SLC30A7: variants seen among roughly 807,000 people sequenced by gnomAD.
The protein encoded by SLC30A7 is solute carrier family 30 member 7.
SLC30A7 carries 35 observed loss-of-function variants against 46.0 expected under a neutral mutation model. That is an observed-to-expected ratio of 0.76 (90% CI 0.58 to 1.01). The LOEUF (loss-of-function observed/expected upper bound fraction) is 1.01, where lower values mean the gene tolerates loss of function less well. Among genes scored for constraint, SLC30A7 ranks in the 50% least tolerant of loss-of-function variants. The pLI is 0.00. For missense variants in SLC30A7, 464 were observed against 451.1 expected (o/e 1.03, Z -0.26); for synonymous variants, 147 against 157.8 (o/e 0.93, Z 0.51).
intron 10 of SLC30A7, 97 bp downstream of exon 10, chr1:100,966,015 G>C (rs1655838777): frequency 9.1e-7 from 1 of 1,093,002 alleles, no homozygotes; most frequent in Non-Finnish European, 1.3e-6. Context: ...AGGATGGCTT[G>C]AGGCTAGGAT....
Position 100,912,358 on chromosome 1 carries a change from C to T in SLC30A7, c.511+120C>T. On this transcript the variant is annotated intron_variant, in intron 5 of 10. Coordinates refer to ENST00000357650, the MANE Select transcript of SLC30A7 (RefSeq NM_133496.5). ...TGATGTCAACAGACTATGTGAATATCTTCCTGAACTATCCCTTTCACTTCT... is the reference window on the plus strand; with the variant it reads ...TGATGTCAACAGACTATGTGAATATTTTCCTGAACTATCCCTTTCACTTCT... 2 of 1,119,578 alleles carry T rather than the reference C, an allele frequency of 1.8e-6. 1 individual carries two copies. Among genetic ancestry groups the T allele is most frequent in the South Asian group, 3.1e-5 (2 of 65,190 alleles). The allele number at this position is 1,119,578 out of a possible 1,614,324, so 69.4% of individuals were successfully genotyped here.
intron 2 of SLC30A7, among the ~76,000 whole-genome samples, chr1:100,899,970 A>G (rs1651200112): frequency 6.6e-6 from 1 of 152,246 alleles, no homozygotes; most frequent in African/African-American, 2.4e-5. Flanking sequence ...TAAGGAAGAA[A>G]GAGAATATGT....
intron 8 of SLC30A7, among the ~76,000 whole-genome samples, chr1:100,956,672 CAA>C (rs1655243001): frequency 6.6e-6 from 1 of 152,142 alleles, no homozygotes; most frequent in African/African-American, 2.4e-5. Flanking sequence ...AAGTTGTTCA[CAA>C]AAGTTATTCA....
the SLC30A7 span, chr1:100,990,585 G>A: frequency 9.3e-6 from 15 of 1,613,774 alleles, no homozygotes; most frequent in African/African-American, 1.1e-4. Context: ...TCTGGTCGTC[G>A]GCTCCAACCC....
chr1:100,900,944 A>G (rs1188584825), intron 2 of SLC30A7, among the ~76,000 whole-genome samples: 2 of 152,206 alleles, frequency 1.3e-5, no homozygotes, highest in African/African-American at 4.8e-5. Flanking sequence ...TAGAGCATTT[A>G]ATGGACCTCA....
chr1:100,971,883 C>T (rs904318272), intron 10 of SLC30A7, among the ~76,000 whole-genome samples: 8 of 152,100 alleles, frequency 5.3e-5, no homozygotes, highest in South Asian at 2.1e-4. Context: ...TTTTTACTTC[C>T]GATTTGTTAT....
intron 8 of SLC30A7, among the ~76,000 whole-genome samples, chr1:100,960,916 C>T (rs1401998477): frequency 6.6e-6 from 1 of 151,342 alleles, no homozygotes; most frequent in South Asian, 2.1e-4. Flanking sequence ...TTAGAGTCAC[C>T]CTCACCATTC....
intron 8 of SLC30A7, among the ~76,000 whole-genome samples, chr1:100,927,643 T>G (rs574204449): frequency 6.6e-6 from 1 of 152,332 alleles, no homozygotes; most frequent in East Asian, 1.9e-4. Flanking sequence ...TTCTTCAGTC[T>G]TGTTCAGCTA....
At position 100,906,870 on chromosome 1, in the gene SLC30A7, C is replaced by T. The variant is rs1308737197; in HGVS notation, c.201C>T (p.Asp67=). The change falls in exon 3 of 11, where the codon GAC becomes GAT. Residue 67 remains aspartate, a synonymous_variant. Coordinates refer to ENST00000357650, the MANE Select transcript of SLC30A7 (RefSeq NM_133496.5). ...TTTCCAGCTTAGGCTTGATTTCCGA[C>T]TCTTTTCACATGTTTTTCGATAGCA... ...IWSNCLGLIS[D]SFHMFFDSTA... The T allele has an allele frequency of 3.1e-6, 5 of 1,612,856 alleles. No individual in the cohort carries two copies. In the East Asian group the frequency reaches 8.9e-5, roughly 29 times the overall value.
chr1:100,965,628 A>T, intron 9 of SLC30A7, 141 bp from the exon 10 acceptor site: 1 of 684,548 alleles, frequency 1.5e-6, no homozygotes, highest in Non-Finnish European at 2.5e-6. Flanking sequence ...GTATTTATTT[A>T]TTTATTTATT....
At chr1:100,911,611 C>T (rs1410181237) in intron 4 of SLC30A7, among the ~76,000 whole-genome samples, 3 of 152,168 alleles carry the variant, frequency 2.0e-5, no homozygotes, top group South Asian at 4.2e-4. Flanking sequence ...AGTGCAGTGG[C>T]GCGATCTCGG....
At chr1:100,915,193 TTTTCTTTCTTTCTTTCTTTCTTTC>T (rs200989431) in intron 6 of SLC30A7, among the ~76,000 whole-genome samples, 1 of 90,788 alleles carries the variant, frequency 1.1e-5, no homozygotes, top group East Asian at 3.0e-4. Flanking sequence ...CTTTTCTTTC[TTTTCTTTCTTTCTTTCTTTCTTTC>T]TTTCTTTCTT....
chr1:100,953,854 A>G (rs562078384), intron 8 of SLC30A7, among the ~76,000 whole-genome samples: 2 of 152,348 alleles, frequency 1.3e-5, no homozygotes, highest in East Asian at 3.9e-4. Flanking sequence ...TATTAAGATA[A>G]ATTGCACATT....
At chr1:100,924,382 C>T (rs972988704) in intron 8 of SLC30A7, among the ~76,000 whole-genome samples, 6 of 152,038 alleles carry the variant, frequency 3.9e-5, no homozygotes, top group Non-Finnish European at 8.8e-5. Flanking sequence ...TACTCTTATA[C>T]TTCATGTCTT....
At chr1:100,969,882 T>G (rs906476335) in intron 10 of SLC30A7, among the ~76,000 whole-genome samples, 8 of 152,208 alleles carry the variant, frequency 5.3e-5, no homozygotes, top group Non-Finnish European at 1.0e-4. Context: ...TTATGCAGAT[T>G]GAAATTTTCA....
chr1:100,936,595 A>T (rs75827143), intron 8 of SLC30A7, among the ~76,000 whole-genome samples: 2 of 152,222 alleles, frequency 1.3e-5, no homozygotes, highest in South Asian at 4.1e-4. Context: ...TGATAAGCAT[A>T]ATATAAAATT....
rs974798286 is a variant in SLC30A7, at chr1:100,980,808, T to C, written c.*5951T>C. Reference sequence around the variant, plus strand: ...GAACCTGGGTCACTTGAATTTTCTATATTTTGTATGGCCAAATCAGGAACC... The same window carrying C: ...GAACCTGGGTCACTTGAATTTTCTACATTTTGTATGGCCAAATCAGGAACC... On this transcript the variant is annotated 3_prime_UTR_variant, in exon 11 of 11. Coordinates refer to ENST00000357650, the MANE Select transcript of SLC30A7 (RefSeq NM_133496.5). 6.6e-6 allele frequency: 1 copy of C among 152,064 alleles called. No individual in the cohort carries two copies. Among genetic ancestry groups the C allele is most frequent in the Non-Finnish European group, 1.5e-5 (1 of 67,940 alleles). The allele number at this position is 152,064 out of a possible 1,614,324, so 9.4% of individuals were successfully genotyped here. A position where few individuals can be genotyped will look rare whatever the true frequency, so the allele number is the denominator to read the frequency against.
rs564902081 is a variant in SLC30A7, at chr1:100,949,760, G to A, written c.843-12068G>A. Among the ~76,000 whole-genome samples, 9 of 152,328 alleles carry A rather than the reference G, an allele frequency of 5.9e-5. No individual in the cohort carries two copies. The South Asian group carries it at 8.3e-4, about 14-fold the overall frequency. On this transcript the variant is annotated intron_variant, in intron 8 of 10. Transcript: ENST00000357650. ...CAGCCAGGCTGCAGCATTGCAGGTC[G>A]ATCTCAGACTGCTGCACTAGCAGTG... is the stretch of plus-strand genomic sequence containing the variant.
rs142099354 is a variant in SLC30A7 at position 100,913,954 on chromosome 1, A to G, written c.655+148A>G. 73 of 1,159,292 alleles carry G rather than the reference A, an allele frequency of 6.3e-5. No individual in the cohort carries two copies. In the African/African-American group the frequency reaches 1.0e-3, roughly 16 times the overall value. 71.8% of individuals were successfully genotyped at this position (1,159,292 alleles called of 1,614,324 possible). A position where few individuals can be genotyped will look rare whatever the true frequency, so the allele number is the denominator to read the frequency against. On this transcript the variant is annotated intron_variant, in intron 6 of 10. Coordinates refer to ENST00000357650, the MANE Select transcript of SLC30A7 (RefSeq NM_133496.5). ...TCTAAATGGTTCCCAGGGCTAGTTT[A>G]TTTTTTGTATAGCATGAAATTAACT...
Sources: gnomAD v4.1 joint callset for allele counts (sites outside exome capture counted in the v4.1 genomes callset) on GRCh38, gnomAD v4.1.1 for gene constraint, MANE v1.5 for transcripts, NCBI Gene and HGNC (gene_info 2026-07-23, HGNC 2026-07-21) for gene names.